The following POLE2 variants were observed in gnomAD, a reference collection of about 807,000 sequenced individuals.
POLE2 encodes the protein DNA polymerase epsilon subunit 2.
Under a neutral mutation model 79.4 loss-of-function variants are expected in POLE2, and 56 were observed. The ratio of observed to expected loss-of-function variants is 0.71; its 90% confidence interval spans 0.57 to 0.88. POLE2 has a LOEUF of 0.88. POLE2 is among the 40% of genes least tolerant of loss of function. POLE2 has a pLI of 0.00. For missense variants in POLE2, 598 were observed against 638.9 expected, an observed-to-expected ratio of 0.94 and a Z score of 0.69; for synonymous variants, 212 against 214.0, an observed-to-expected ratio of 0.99 and a Z score of 0.08.
chr14:49,651,350 A>G lies in POLE2; in HGVS notation c.1239T>C (p.Thr413=), dbSNP rs753180367. 6.3e-7 allele frequency: 1 copy of G among 1,580,388 alleles called. No individual in the cohort carries two copies. The highest frequency in any genetic ancestry group is 1.1e-5 in the South Asian group (1 of 89,846). The change falls in exon 16 of 19, where the codon ACT becomes ACC. Residue 413 remains threonine (T), a synonymous_variant. Coordinates refer to ENST00000216367, the MANE Select transcript of POLE2 (RefSeq NM_002692.4). The part of the protein sequence containing the change: ...CRIQYCTQEI[T]VFREDLVNKM... ...TATTTACTAAGTCTTCACGGAAGAC[A>G]GTAATTTCCTGTGTACAGTACTGAA...
At chr14:49,684,853 G>A (rs1289565685) in intron 1 of POLE2, among the ~76,000 whole-genome samples, 3 of 151,394 alleles carry the variant, frequency 2.0e-5, no homozygotes, top group East Asian at 2.0e-4. Context: ...GGCGGGCGCC[G>A]GTAGTCCCAG....
rs550192808 is a variant in POLE2 at position 49,656,842 on chromosome 14, C to T, written c.756-999G>A. On this transcript the variant is annotated intron_variant, in intron 10 of 18. Coordinates refer to ENST00000216367, the MANE Select transcript of POLE2 (RefSeq NM_002692.4). ...CAAATTTGTAATCAGGCCAGGGTGG[C>T]TCACACCTATAATCCCAGCACTTTG... is the stretch of plus-strand genomic sequence containing the variant. Among the ~76,000 whole-genome samples the T allele has an allele frequency of 3.9e-5, 6 of 152,280 alleles. No homozygotes were observed. In the East Asian group the frequency reaches 1.2e-3, roughly 29 times the overall value.
intron 10 of POLE2, among the ~76,000 whole-genome samples, chr14:49,658,237 C>A (rs368753642): frequency 1.7e-4 from 26 of 152,136 alleles, no homozygotes; most frequent in African/African-American, 6.3e-4. Flanking sequence ...CCACCACGCC[C>A]GGCTAATTTT....
chr14:49,664,503 G>A lies in POLE2; in HGVS notation c.682+123C>T, dbSNP rs1256985679. 7.1e-6 allele frequency: 5 copies of A among 704,428 alleles called. No homozygotes were observed. The Admixed American group carries it at 1.1e-4, about 16-fold the overall frequency. The allele number at this position is 704,428 out of a possible 1,614,324, so 43.6% of individuals were successfully genotyped here. On this transcript the variant is annotated intron_variant, in intron 9 of 18. Coordinates refer to ENST00000216367, the MANE Select transcript of POLE2 (RefSeq NM_002692.4). ...CCATTAACAGTCTAAGAGTTATTTTGCCAAAAATATGCTCTTCTAATTAAT... is the reference window on the plus strand; with the variant it reads ...CCATTAACAGTCTAAGAGTTATTTTACCAAAAATATGCTCTTCTAATTAAT...
chr14:49,652,644 G>A (rs981461796), intron 15 of POLE2, among the ~76,000 whole-genome samples: 46 of 152,192 alleles, frequency 3.0e-4, no homozygotes, highest in African/African-American at 1.0e-3. Context: ...CTGCACACTC[G>A]TTATAAGAAT....
At chr14:49,676,793 G>A (rs149021164) in intron 3 of POLE2, among the ~76,000 whole-genome samples, 201 of 152,336 alleles carry the variant, frequency 1.3e-3, no homozygotes, top group African/African-American at 4.4e-3. Context: ...CATCCTGGTC[G>A]TTGCTATGTG....
At chr14:49,687,303 CA>C (rs1887219074) in intron 1 of POLE2, among the ~76,000 whole-genome samples, 30 of 49,550 alleles carry the variant, frequency 6.1e-4, no homozygotes, top group African/African-American at 1.5e-3. Flanking sequence ...ACACACACCA[CA>C]CACACACACA....
chr14:49,662,870 C>G (rs537234866), intron 10 of POLE2, among the ~76,000 whole-genome samples: 1 of 152,334 alleles, frequency 6.6e-6, no homozygotes, highest in East Asian at 1.9e-4. Context: ...CTCAGCTCCT[C>G]TAAGAGAAGG....
At chr14:49,683,766 C>A in intron 1 of POLE2, 73 bp from the exon 2 acceptor site, 1 of 705,072 alleles carries the variant, frequency 1.4e-6, no homozygotes, top group Non-Finnish European at 2.5e-6. Context: ...CAAAAAGCAG[C>A]AAATACTCAT....
At chr14:49,658,371 CG>C (rs1250636468) in intron 10 of POLE2, among the ~76,000 whole-genome samples, 1 of 152,176 alleles carries the variant, frequency 6.6e-6, no homozygotes, top group Admixed American at 6.5e-5. Context: ...CCACCGCGCC[CG>C]GCCCCTCTGG....
intron 3 of POLE2, chr14:49,677,933 C>T (rs1886403927): frequency 3.3e-6 from 1 of 304,210 alleles, no homozygotes; most frequent in Non-Finnish European, 6.0e-6. Flanking sequence ...CGCCTTGTGC[C>T]TTGGAAAGAG....
At chr14:49,665,593 ACT>A (rs1885422634) in intron 7 of POLE2, among the ~76,000 whole-genome samples, 1 of 151,802 alleles carries the variant, frequency 6.6e-6, no homozygotes, top group Admixed American at 6.6e-5. Flanking sequence ...TGCACAAGAC[ACT>A]CTGTCCTGAT....
At position 49,663,314 on chromosome 14, in the gene POLE2, C is replaced by A; in HGVS notation, c.755+1G>T. 6.5e-7 allele frequency: 1 copy of A among 1,548,746 alleles called. No individual in the cohort carries two copies. Among genetic ancestry groups the A allele is most frequent in the Non-Finnish European group, 8.9e-7 (1 of 1,129,106 alleles). On this transcript the variant is annotated splice_donor_variant, in intron 10 of 18. Coordinates refer to ENST00000216367, the MANE Select transcript of POLE2 (RefSeq NM_002692.4). LOFTEE classifies it high-confidence loss of function. ...AGAGTATAAACCAAACATTTTAATA[C>A]CTAGTAGTACTAGAGGGCTCAGTGG...
At chr14:49,686,285 A>T (rs1342953713) in intron 1 of POLE2, among the ~76,000 whole-genome samples, 59 of 152,220 alleles carry the variant, frequency 3.9e-4, no homozygotes, top group Non-Finnish European at 1.0e-4. Flanking sequence ...AAATTTAAAA[A>T]TAACAAGATG....
At chr14:49,677,998 A>T (rs1190792230) in intron 3 of POLE2, 4 of 170,560 alleles carry the variant, frequency 2.3e-5, no homozygotes, top group South Asian at 2.0e-4. Context: ...TATTTTATTT[A>T]TTTTATTTTT....
At chr14:49,668,825 G>A (rs1885675089) in intron 6 of POLE2, among the ~76,000 whole-genome samples, 1 of 152,030 alleles carries the variant, frequency 6.6e-6, no homozygotes, top group Non-Finnish European at 1.5e-5. Context: ...GTTTGAGAGG[G>A]GTCCTTACAC....
chr14:49,644,877 C>T (rs149812929), intron 18 of POLE2, among the ~76,000 whole-genome samples: 1 of 152,010 alleles, frequency 6.6e-6, no homozygotes, highest in Admixed American at 6.6e-5. Flanking sequence ...TCCATCTCTA[C>T]TAAAAATACA....
At chr14:49,647,108 C>T (rs74211022) in intron 18 of POLE2, 185 bp downstream of exon 18, 30 of 430,528 alleles carry the variant, frequency 7.0e-5, no homozygotes, top group East Asian at 3.9e-4. Flanking sequence ...TCAACACAAA[C>T]GTACCATCAT....
chr14:49,671,699 A>T (rs1431603340), intron 5 of POLE2, among the ~76,000 whole-genome samples: 1 of 150,362 alleles, frequency 6.7e-6, no homozygotes, highest in Non-Finnish European at 1.5e-5. Context: ...TCATGCCTGT[A>T]ATCCCAGCAC....
Sources: allele counts gnomAD v4.1 joint callset (sites outside exome capture counted in the v4.1 genomes callset), GRCh38; gene constraint gnomAD v4.1.1; transcripts MANE v1.5; gene names NCBI Gene and HGNC (gene_info 2026-07-23, HGNC 2026-07-21).